Variants in DEAF1 observed in about 807,000 individuals in gnomAD.
DEAF1 encodes deformed epidermal autoregulatory factor 1 homolog.
DEAF1 carries 53 observed loss-of-function variants against 58.9 expected under a neutral mutation model. The observed-to-expected ratio is 0.90, with a 90% CI of 0.72 to 1.13. DEAF1 has a LOEUF of 1.13. Among genes scored for constraint, DEAF1 ranks in the 50% most tolerant of loss-of-function variants. DEAF1 has a pLI of 0.00. For missense variants in DEAF1, 685 were observed against 791.4 expected (o/e 0.87, Z 1.61); for synonymous variants, 385 against 340.4 (o/e 1.13, Z -1.44).
upstream of DEAF1, among the ~76,000 whole-genome samples, chr11:696,869 C>T (rs895219822): frequency 2.0e-5 from 3 of 148,720 alleles, no homozygotes; most frequent in Non-Finnish European, 3.0e-5. Context: ...CACCTGAGGT[C>T]GAGGGTTCAA....
rs1858964690 is a variant in DEAF1, at chr11:654,740, C to T, written c.1504-689G>A. 3 of 415,470 alleles carry T rather than the reference C, an allele frequency of 7.2e-6. 1 individual carries two copies. Among genetic ancestry groups the T allele is most frequent in the African/African-American group, 4.1e-5 (2 of 48,394 alleles). The allele number at this position is 415,470 out of a possible 1,614,324, so 25.7% of individuals were successfully genotyped here. The stretch of plus-strand genomic sequence containing the variant: ...AAAAATTAGCTGGGTGTGGTGGTGG[C>T]CACCTGTAATCCCAGCTACCTGGGA... On this transcript the variant is annotated intron_variant, in intron 10 of 11. Transcript: ENST00000382409.
intron 1 of DEAF1, among the ~76,000 whole-genome samples, chr11:702,305 C>T (rs574160609): frequency 2.0e-5 from 3 of 152,356 alleles, no homozygotes; most frequent in East Asian, 1.9e-4. Flanking sequence ...TGGGAGGGTG[C>T]GAGCACCGCT....
chr11:694,057 C>T (rs1414113511), intron 1 of DEAF1, among the ~76,000 whole-genome samples: 3 of 152,184 alleles, frequency 2.0e-5, no homozygotes, highest in Admixed American at 6.5e-5. Flanking sequence ...CAGGTCATGC[C>T]TGAACTGGCC....
intron 6 of DEAF1, among the ~76,000 whole-genome samples, chr11:682,560 C>T (rs187041666): frequency 6.6e-6 from 1 of 152,030 alleles, no homozygotes; most frequent in Non-Finnish European, 1.5e-5. Context: ...TCTGTTCTTA[C>T]GGCCTCTCTC....
In DEAF1 at chr11:694,950, G is replaced by T; in HGVS notation, c.98C>A (p.Ala33Glu). 8.2e-7 allele frequency: 1 copy of T among 1,215,812 alleles called. No individual in the cohort carries two copies. The allele number at this position is 1,215,812 out of a possible 1,614,324, so 75.3% of individuals were successfully genotyped here. A position where few individuals can be genotyped will look rare whatever the true frequency, so the allele number is the denominator to read the frequency against. ...CACCGGCTCCTCCGCCTCGCCTCCT[G>T]CCGCGGCCGCGGCCGCCGCCGCCAC... Reference protein sequence around the residue: ...AAVAAAAAAAAGGEAEEPVLS... With the variant: ...AAVAAAAAAAEGGEAEEPVLS... Residue 33 changes from alanine (A) to glutamate (E), a missense_variant, in exon 1 of 12, where the codon GCA (alanine) becomes GAA (glutamate). By Grantham distance (107) the Ala-to-Glu change is moderately radical (BLOSUM62 -1). Transcript: ENST00000382409.
chr11:699,124 C>T (rs891263839), upstream of DEAF1: 12 of 511,198 alleles, frequency 2.3e-5, no homozygotes, highest in East Asian at 6.1e-5. Flanking sequence ...GCCACACTGC[C>T]GGCTCCCAAG....
chr11:683,405 T>G (rs1860456676), intron 6 of DEAF1, among the ~76,000 whole-genome samples: 1 of 152,184 alleles, frequency 6.6e-6, no homozygotes, highest in Non-Finnish European at 1.5e-5. Context: ...GTCCTGTCAC[T>G]CCAAGGCCAT....
chr11:678,513 T>C (rs1003060864), intron 9 of DEAF1, 181 bp downstream of exon 9: 1 of 869,566 alleles, frequency 1.2e-6, no homozygotes, highest in Admixed American at 1.9e-5. Context: ...CGTGGCTGTG[T>C]GTCAGTAAAA....
At chr11:683,526 C>T (rs1037866335) in intron 6 of DEAF1, among the ~76,000 whole-genome samples, 1 of 151,454 alleles carries the variant, frequency 6.6e-6, no homozygotes. Flanking sequence ...CTTAAGACCC[C>T]GCAATGTGAT....
At chr11:652,146 G>A (rs1022318303) in intron 11 of DEAF1, among the ~76,000 whole-genome samples, 1 of 152,196 alleles carries the variant, frequency 6.6e-6, no homozygotes, top group African/African-American at 2.4e-5. Flanking sequence ...CACTAAGTAT[G>A]TTCTTGAACC....
intron 9 of DEAF1, among the ~76,000 whole-genome samples, chr11:675,241 C>T (rs1019613502): frequency 6.6e-5 from 10 of 151,804 alleles, no homozygotes; most frequent in Admixed American, 2.0e-4. Context: ...TCTCATCACC[C>T]GGTGCAGTGG....
chr11:701,088 G>T, intron 1 of DEAF1: 1 of 248,764 alleles, frequency 4.0e-6, no homozygotes, highest in South Asian at 5.3e-5. Flanking sequence ...GGAGAGTTCT[G>T]CCAGGTCCCA....
intron 11 of DEAF1, among the ~76,000 whole-genome samples, chr11:645,696 G>T (rs1287575520): frequency 6.6e-6 from 1 of 152,182 alleles, no homozygotes; most frequent in Non-Finnish European, 1.5e-5. Context: ...GGTGGGGGAT[G>T]GTGCCTGGGA....
At chr11:691,464 C>T in intron 2 of DEAF1, 37 bp downstream of exon 2, 1 of 1,599,010 alleles carries the variant, frequency 6.3e-7, no homozygotes, top group Admixed American at 1.7e-5. Flanking sequence ...CAGCGTGGCA[C>T]CACCCGCCCT....
At chr11:680,202 G>A (rs866711147) in intron 7 of DEAF1, 3 of 308,130 alleles carry the variant, frequency 9.7e-6, no homozygotes, top group South Asian at 5.9e-5. Context: ...CAGCAAGGCT[G>A]CCCTGTGTCC....
intron 1 of DEAF1, among the ~76,000 whole-genome samples, chr11:692,862 A>G (rs1187959035): frequency 6.6e-6 from 1 of 151,860 alleles, no homozygotes; most frequent in Admixed American, 6.6e-5. Flanking sequence ...TCAAAAAAAA[A>G]AAAAGGCATG....
chr11:662,830 A>G (rs1434685011), intron 10 of DEAF1, among the ~76,000 whole-genome samples: 1 of 152,154 alleles, frequency 6.6e-6, no homozygotes, highest in African/African-American at 2.4e-5. Context: ...GGGCACAACC[A>G]CGTCTGCAAG....
At chr11:705,071 G>A (rs1204895047) in intron 1 of DEAF1, 4 of 214,858 alleles carry the variant, frequency 1.9e-5, no homozygotes, top group Admixed American at 1.6e-4. Context: ...CACTGGGCCC[G>A]AAGGAGGAGG....
chr11:697,253 C>T (rs1415770182), upstream of DEAF1, among the ~76,000 whole-genome samples: 8 of 151,890 alleles, frequency 5.3e-5, no homozygotes, highest in African/African-American at 1.7e-4. Flanking sequence ...AACCCTGTCT[C>T]TAAAAAAACT....
Sources: gnomAD v4.1 joint callset for allele counts (sites outside exome capture counted in the v4.1 genomes callset) on GRCh38, gnomAD v4.1.1 for gene constraint, MANE v1.5 for transcripts, NCBI Gene and HGNC (gene_info 2026-07-23, HGNC 2026-07-21) for gene names.